Variants in TREM1 observed in about 807,000 individuals in gnomAD.
TREM1 encodes the protein triggering receptor expressed on myeloid cells 1.
TREM1 carries 16 observed loss-of-function variants against 22.4 expected under a neutral mutation model. That is an observed-to-expected ratio of 0.71 (90% CI 0.48 to 1.08). The LOEUF (loss-of-function observed/expected upper bound fraction) is 1.08, where lower values mean the gene tolerates loss of function less well. Ranked by LOEUF, TREM1 falls within the 50% of genes least tolerant of loss-of-function variation. TREM1 has a pLI of 0.00. For missense variants in TREM1, 283 were observed against 282.9 expected (o/e 1.00, Z 0.00); for synonymous variants, 110 against 111.6 (o/e 0.99, Z 0.09).
chr6:41,282,318 C>A (rs867126819), intron 2 of TREM1, 77 bp downstream of exon 2: 10 of 1,186,168 alleles, frequency 8.4e-6, no homozygotes, highest in Middle Eastern at 2.9e-4. Context: ...ATCCTGAACC[C>A]CAGCTCTGCT....
At position 41,274,734 on chromosome 6, in the gene TREM1, G is replaced by T. The variant is rs1767597668; in HGVS notation, c.*1391C>A. On this transcript the variant is annotated 3_prime_UTR_variant, in exon 4 of 4. Transcript: ENST00000244709. ...TACCTGGGCAGGTTCTGACAGAGCAGCATTTAGGGGAATGGGGAAGTCCTT... is the reference window on the plus strand; with the variant it reads ...TACCTGGGCAGGTTCTGACAGAGCATCATTTAGGGGAATGGGGAAGTCCTT... Among the ~76,000 whole-genome samples, 1 of 152,156 alleles carries T rather than the reference G, an allele frequency of 6.6e-6. No homozygotes were observed. The highest frequency in any genetic ancestry group is 3.2e-3 in the Middle Eastern group (1 of 316).
At position 41,273,999 on chromosome 6, in the gene TREM1, G is replaced by A. The variant is rs1385920132; in HGVS notation, c.*2126C>T. Among the ~76,000 whole-genome samples, 1 of 152,212 alleles carries A rather than the reference G, an allele frequency of 6.6e-6. No individual in the cohort carries two copies. The highest frequency in any genetic ancestry group is 1.9e-4 in the East Asian group (1 of 5,196). ...GGCAGGATGGGGAGGATGGAGCATG[G>A]CGTGGCCTGTAAGTGCAAATGGGAG... On this transcript the variant is annotated 3_prime_UTR_variant, in exon 4 of 4. Transcript: ENST00000244709.
chr6:41,286,363 G>T (rs1768167611), intron 1 of TREM1, among the ~76,000 whole-genome samples: 1 of 152,060 alleles, frequency 6.6e-6, no homozygotes, highest in African/African-American at 2.4e-5. Context: ...TCCCATACTA[G>T]GCTTTGCATG....
intron 3 of TREM1, chr6:41,280,672 T>A (rs977152649): frequency 2.8e-6 from 4 of 1,408,024 alleles, no homozygotes; most frequent in Non-Finnish European, 3.7e-6. Flanking sequence ...TGGGGTTGGA[T>A]GAGCTCCACT....
rs1305640535 is a variant in TREM1 at position 41,275,036 on chromosome 6, AAGACAATCTCCCAC to A, written c.*1075_*1088del. 2.0e-5 allele frequency among the ~76,000 whole-genome samples: 3 copies of A among 151,550 alleles called. No homozygotes were observed. Among genetic ancestry groups the A allele is most frequent in the Non-Finnish European group, 4.4e-5 (3 of 67,888 alleles). On this transcript the variant is annotated 3_prime_UTR_variant, in exon 4 of 4. Transcript: ENST00000244709. ...CTGATTGAAATCTGTGGGAGATTGCAAGACAATCTCCCACAGAGATTGTCTCTGTGGTGGCCTGA... is the reference window on the plus strand; with the variant it reads ...CTGATTGAAATCTGTGGGAGATTGCAAGAGATTGTCTCTGTGGTGGCCTGA...
downstream of TREM1, among the ~76,000 whole-genome samples, chr6:41,272,894 T>C (rs1767523144): frequency 6.6e-6 from 1 of 152,240 alleles, no homozygotes; most frequent in Non-Finnish European, 1.5e-5. Context: ...GTGTGTCATC[T>C]TTTGACTCTC....
chr6:41,280,927 C>A (rs1197878524), intron 3 of TREM1, 34 bp downstream of exon 3: 11 of 1,613,954 alleles, frequency 6.8e-6, no homozygotes, highest in Non-Finnish European at 9.3e-6. Context: ...GGCTCAGTGT[C>A]CAAACCAGGG....
At chr6:41,279,186 T>C (rs139706211) in intron 3 of TREM1, among the ~76,000 whole-genome samples, 2 of 152,280 alleles carry the variant, frequency 1.3e-5, no homozygotes, top group East Asian at 3.9e-4. Context: ...CCTTAGCCTT[T>C]AGTTAGCCAC....
At chr6:41,285,527 C>T (rs1024684359) in intron 1 of TREM1, among the ~76,000 whole-genome samples, 16 of 152,176 alleles carry the variant, frequency 1.1e-4, no homozygotes, top group African/African-American at 3.6e-4. Flanking sequence ...CCAACACAGT[C>T]TGATAGGGAT....
chr6:41,278,137 G>GCTAAT (rs1370278825), intron 3 of TREM1, among the ~76,000 whole-genome samples: 1 of 151,464 alleles, frequency 6.6e-6, no homozygotes, highest in Non-Finnish European at 1.5e-5. Flanking sequence ...TGTTGCCCAA[G>GCTAAT]CTAATCTCAA....
At chr6:41,280,784 C>G (rs1056157169) in intron 3 of TREM1, 177 bp downstream of exon 3, 19 of 1,467,458 alleles carry the variant, frequency 1.3e-5, no homozygotes, top group Non-Finnish European at 1.5e-5. Context: ...AGAGCCTCCC[C>G]TATTCTCCAT....
Position 41,273,870 on chromosome 6 carries a change from G to A in TREM1, c.*2255C>T. Among the ~76,000 whole-genome samples the A allele has an allele frequency of 6.6e-6, 1 of 152,184 alleles. No homozygotes were observed. The highest frequency in any genetic ancestry group is 1.9e-4 in the East Asian group (1 of 5,190). ...TGAGGACAGAAACCCTGATCTGACTGTCTCCCCACCCTCGGCTCTCCTCTC... is the reference window on the plus strand; with the variant it reads ...TGAGGACAGAAACCCTGATCTGACTATCTCCCCACCCTCGGCTCTCCTCTC... On this transcript the variant is annotated 3_prime_UTR_variant, in exon 4 of 4. Transcript: ENST00000244709.
chr6:41,279,515 A>G (rs886209654), intron 3 of TREM1: 34 of 717,686 alleles, frequency 4.7e-5, no homozygotes, highest in African/African-American at 1.7e-4. Flanking sequence ...AAAGTAGAGG[A>G]AAAAAAAAAA....
chr6:41,286,271 A>T (rs1768164320), intron 1 of TREM1, among the ~76,000 whole-genome samples: 1 of 152,246 alleles, frequency 6.6e-6, no homozygotes. Flanking sequence ...CAAACACATC[A>T]TGATGGAATA....
At position 41,276,216 on chromosome 6, in the gene TREM1, T is replaced by A; in HGVS notation, c.614A>T (p.Asn205Ile). ...TCCACCAGCCAGGAGAATGACAATG[T>A]TGAACACCGGAACCCTGCGGGAGAC... ...VTDIIRVPVF[N>I]IVILLAGGFL... Residue 205 changes from asparagine to isoleucine, a missense_variant, in exon 4 of 4, where the codon AAC (asparagine) becomes ATC (isoleucine). By Grantham distance (149) the Asn-to-Ile change is moderately radical. Transcript: ENST00000244709. 6.2e-7 allele frequency: 1 copy of A among 1,614,110 alleles called. No homozygotes were observed. The highest frequency in any genetic ancestry group is 8.5e-7 in the Non-Finnish European group (1 of 1,179,976).
downstream of TREM1, among the ~76,000 whole-genome samples, chr6:41,271,458 C>T (rs1044439869): frequency 6.6e-6 from 1 of 152,216 alleles, no homozygotes; most frequent in Admixed American, 6.5e-5. Flanking sequence ...TCCACATTCC[C>T]TTCTGTGCCC....
chr6:41,269,341 C>T (rs1428207500), downstream of TREM1, among the ~76,000 whole-genome samples: 7 of 152,160 alleles, frequency 4.6e-5, no homozygotes, highest in African/African-American at 1.7e-4. Flanking sequence ...TATTGAAATT[C>T]CTGAGAAGAG....
chr6:41,286,492 AAC>A lies in TREM1; in HGVS notation c.49+113_49+114del, dbSNP rs751665040. On this transcript the variant is annotated intron_variant, in intron 1 of 3. Coordinates refer to ENST00000244709, the MANE Select transcript of TREM1 (RefSeq NM_018643.5). ...TGGGTAGAGCAGCACGGTCTGCCAT[AAC>A]TACTGGTTGGCTCTATCTTGGATGG... is the stretch of plus-strand genomic sequence containing the variant. 5 of 1,038,974 alleles carry A rather than the reference AAC, an allele frequency of 4.8e-6. No homozygotes were observed. The South Asian group carries it at 6.9e-5, about 14-fold the overall frequency. 64.4% of individuals were successfully genotyped at this position (1,038,974 alleles called of 1,614,324 possible).
At chr6:41,272,934 C>G (rs715862), downstream of TREM1, among the ~76,000 whole-genome samples, 136,813 of 152,152 alleles carry the variant, frequency 0.9, 61,537 homozygotes, top group East Asian at 0.95. Context: ...CTTTTGGGGG[C>G]ACAGGCCCCA....
Sources: allele counts gnomAD v4.1 joint callset (sites outside exome capture counted in the v4.1 genomes callset), GRCh38; gene constraint gnomAD v4.1.1; transcripts MANE v1.5; gene names NCBI Gene and HGNC (gene_info 2026-07-23, HGNC 2026-07-21).